Variants in FRY observed in about 807,000 individuals in gnomAD.
FRY encodes FRY microtubule binding protein.
In FRY, 128 loss-of-function variants were observed where a neutral mutation model predicts 348.4. The ratio of observed to expected loss-of-function variants is 0.37; its 90% confidence interval spans 0.32 to 0.43. The LOEUF is 0.43. Ranked by LOEUF, FRY falls within the 20% of genes least tolerant of loss-of-function variation. FRY has a pLI of 1.00. For synonymous variants in FRY, 1,370 were observed against 1,374.7 expected (o/e 1.00, Z 0.08); for missense variants, 2,736 against 3,695.2 (o/e 0.74, Z 6.73).
intron 58 of FRY, 56 bp from the exon 59 acceptor site, chr13:32,289,575 TTA>T: frequency 9.7e-7 from 1 of 1,035,212 alleles, no homozygotes; most frequent in Middle Eastern, 2.0e-4. Flanking sequence ...ATTTCACTAG[TTA>T]TATGTGAATG....
At chr13:32,236,567 G>T (rs929342416) in intron 43 of FRY, among the ~76,000 whole-genome samples, 18 of 152,102 alleles carry the variant, frequency 1.2e-4, no homozygotes, top group African/African-American at 4.1e-4. Flanking sequence ...CAAAGCTTCT[G>T]AACTGTTGCC....
chr13:32,115,728 A>G lies in FRY; in HGVS notation c.325-1606A>G, dbSNP rs540079444. Among the ~76,000 whole-genome samples, 144 of 150,478 alleles carry G rather than the reference A, an allele frequency of 9.6e-4. 5 individuals are homozygous for G. In the South Asian group the frequency reaches 0.03, roughly 31 times the overall value. ...TTCTTGGGTCTCATCTCAAATTTCT[A>G]CCCTTTCTAAAATAGTCCCAGGTAA... On this transcript the variant is annotated intron_variant, in intron 3 of 60. Transcript: ENST00000542859.
At chr13:32,235,276 T>G (rs1351240534) in intron 42 of FRY, among the ~76,000 whole-genome samples, 1 of 152,176 alleles carries the variant, frequency 6.6e-6, no homozygotes, top group African/African-American at 2.4e-5. Context: ...CTGAACAGGT[T>G]GAGAGCTGCT....
intron 2 of FRY, among the ~76,000 whole-genome samples, chr13:32,088,512 A>G (rs1876037794): frequency 6.6e-6 from 1 of 152,238 alleles, no homozygotes; most frequent in African/African-American, 2.4e-5. Context: ...AGCTAAAAAG[A>G]TTCAATTTAA....
At chr13:32,113,992 A>G (rs898767052) in intron 3 of FRY, among the ~76,000 whole-genome samples, 3 of 152,214 alleles carry the variant, frequency 2.0e-5, no homozygotes, top group African/African-American at 7.2e-5. Flanking sequence ...TGGGGGAGAA[A>G]AAAATATTTT....
chr13:32,184,997 G>T lies in FRY; in HGVS notation c.3168G>T (p.Arg1056=). The T allele has an allele frequency of 6.2e-7, 1 of 1,613,912 alleles. No homozygotes were observed. Among genetic ancestry groups the T allele is most frequent in the East Asian group, 2.2e-5 (1 of 44,878 alleles). ...ISDSTNGALE[R]DTLALGALFL... ...CCAGCACAAATGGAGCCCTAGAGCG[G>T]GATACTTTAGCCCTGGGAGCTTTGT... is the stretch of plus-strand genomic sequence containing the variant. The change falls in exon 26 of 61, where the codon CGG becomes CGT. Residue 1056 remains arginine (R), a synonymous_variant. Transcript: ENST00000542859.
At chr13:32,089,419 T>C (rs2138577661) in intron 2 of FRY, among the ~76,000 whole-genome samples, 1 of 152,202 alleles carries the variant, frequency 6.6e-6, no homozygotes, top group East Asian at 1.9e-4. Context: ...CCAAGATGAT[T>C]CAGCCATGAA....
intron 58 of FRY, among the ~76,000 whole-genome samples, chr13:32,278,917 G>A (rs1236995310): frequency 6.6e-6 from 1 of 152,118 alleles, no homozygotes; most frequent in Non-Finnish European, 1.5e-5. Context: ...CAACCTTTCA[G>A]CAGTCACTCT....
intron 29 of FRY, among the ~76,000 whole-genome samples, chr13:32,195,870 T>C (rs1883645055): frequency 6.6e-6 from 1 of 152,224 alleles, no homozygotes; most frequent in South Asian, 2.1e-4. Context: ...GGCAGGAGAA[T>C]ACAATAGCTT....
rs1186983425 is a variant in FRY at position 32,267,084 on chromosome 13, CT to C, written c.7947-85del. The C allele has an allele frequency of 3.2e-5, 40 of 1,258,220 alleles. 1 individual carries two copies. The allele number at this position is 1,258,220 out of a possible 1,614,324, so 77.9% of individuals were successfully genotyped here. A position where few individuals can be genotyped will look rare whatever the true frequency, so the allele number is the denominator to read the frequency against. On this transcript the variant is annotated intron_variant, in intron 54 of 60. Coordinates refer to ENST00000542859, the MANE Select transcript of FRY (RefSeq NM_023037.3). ...TGGGTAGAATAGCTACCTCATTTTG[CT>C]GACTCTCAGGGTGAGAATTTATAAA...
rs754848829 is a variant in FRY, at chr13:32,078,903, G to C, written c.140G>C (p.Gly47Ala). Residue 47 changes from glycine (G) to alanine (A), a missense_variant, in exon 2 of 61, where the codon GGG becomes GCG. Gly to Ala is a moderately conservative substitution (Grantham distance 60, BLOSUM62 0). Coordinates refer to ENST00000542859, the MANE Select transcript of FRY (RefSeq NM_023037.3). ...GCTTCTGGCACGCACAGGGAGAAAG[G>C]GCCGCCAACCATGCTACCCATCAAT... ...PPASGTHREK[G>A]PPTMLPINVD... The C allele has an allele frequency of 4.3e-6, 7 of 1,614,022 alleles. No homozygotes were observed. The highest frequency in any genetic ancestry group is 1.3e-5 in the African/African-American group (1 of 74,992).
intron 1 of FRY, among the ~76,000 whole-genome samples, chr13:32,057,536 G>A (rs1255813224): frequency 6.6e-6 from 1 of 152,124 alleles, no homozygotes; most frequent in East Asian, 1.9e-4. Flanking sequence ...GTAGCTATTG[G>A]CCGGTAGCCT....
chr13:32,212,442 A>G lies in FRY; in HGVS notation c.4682+60A>G, dbSNP rs76989267. On this transcript the variant is annotated intron_variant, in intron 35 of 60. Coordinates refer to ENST00000542859, the MANE Select transcript of FRY (RefSeq NM_023037.3). ...ATGTTCTGCAATAATCTATACATAG[A>G]CATCAATACAGGTTTGTGGAGTTTC... 2,214 of 965,342 alleles carry G rather than the reference A, an allele frequency of 2.3e-3. 38 individuals carry two copies. In the African/African-American group the frequency reaches 0.032, roughly 14 times the overall value. The allele number at this position is 965,342 out of a possible 1,614,324, so 59.8% of individuals were successfully genotyped here.
Position 32,124,334 on chromosome 13 carries a change from T to A in FRY, c.513T>A (p.Ile171=), listed in dbSNP as rs948594013. 1.9e-6 allele frequency: 3 copies of A among 1,599,726 alleles called. No individual in the cohort carries two copies. The highest frequency in any genetic ancestry group is 2.6e-6 in the Non-Finnish European group (3 of 1,167,298). Residue 171 remains isoleucine, a synonymous_variant, in exon 5 of 61, where the codon ATT becomes ATA. Coordinates refer to ENST00000542859, the MANE Select transcript of FRY (RefSeq NM_023037.3). ...TAATGGAAAGACGGGACCTCGCCAT[T>A]GATTTTATTTTTTCTTTAGTATTAA... ...DYLMERRDLA[I]DFIFSLVLIE... is the part of the protein sequence containing the mutation.
intron 16 of FRY, among the ~76,000 whole-genome samples, chr13:32,157,793 G>C (rs1881200017): frequency 6.6e-6 from 1 of 152,152 alleles, no homozygotes; most frequent in Non-Finnish European, 1.5e-5. Flanking sequence ...CTGTGTGATT[G>C]TATCACAGAC....
chr13:32,160,727 G>A lies in FRY; in HGVS notation c.1785-417G>A, dbSNP rs116302331. 8.0e-3 allele frequency among the ~76,000 whole-genome samples: 1,200 copies of A among 149,432 alleles called. 15 individuals are homozygous for A. Among genetic ancestry groups the A allele is most frequent in the African/African-American group, 0.025 (1,034 of 40,826 alleles). Reference sequence around the variant, plus strand: ...GGGGAGAAGCATAACTCATCAGGGAGAGAAGCTGCTAGATATCACAATTAC... The same window carrying A: ...GGGGAGAAGCATAACTCATCAGGGAAAGAAGCTGCTAGATATCACAATTAC... On this transcript the variant is annotated intron_variant, in intron 16 of 60. Transcript: ENST00000542859.
intron 58 of FRY, among the ~76,000 whole-genome samples, chr13:32,288,777 G>A (rs372465317): frequency 2.6e-5 from 4 of 152,270 alleles, no homozygotes; most frequent in East Asian, 3.9e-4. Context: ...ATTGAGCAAA[G>A]GCTGTTCCTT....
intron 1 of FRY, among the ~76,000 whole-genome samples, chr13:32,076,936 G>A (rs1875109868): frequency 6.6e-6 from 1 of 152,160 alleles, no homozygotes; most frequent in South Asian, 2.1e-4. Flanking sequence ...ACACGACAAA[G>A]CAAAACACCA....
intron 2 of FRY, among the ~76,000 whole-genome samples, chr13:32,096,437 CGG>C (rs368268179): frequency 6.8e-6 from 1 of 148,060 alleles, no homozygotes; most frequent in Non-Finnish European, 1.5e-5. Flanking sequence ...GGGAAAACTG[CGG>C]GGGGGGGCTT....
Sources: allele counts gnomAD v4.1 joint callset (sites outside exome capture counted in the v4.1 genomes callset), GRCh38; gene constraint gnomAD v4.1.1; transcripts MANE v1.5; gene names NCBI Gene and HGNC (gene_info 2026-07-23, HGNC 2026-07-21).